The following DHX40 variants were observed in gnomAD, a reference collection of about 807,000 sequenced individuals.
DHX40 encodes probable ATP-dependent RNA helicase DHX40.
In DHX40, 28 loss-of-function variants were observed where a neutral mutation model predicts 89.6. That is an observed-to-expected ratio of 0.31 (90% CI 0.23 to 0.43). The LOEUF is 0.43. DHX40 is among the 20% of genes least tolerant of loss of function. DHX40 has a pLI of 1.00. For synonymous variants in DHX40, 226 were observed against 283.6 expected (o/e 0.80, Z 2.04); for missense variants, 457 against 844.0 (o/e 0.54, Z 5.68).
intron 12 of DHX40, among the ~76,000 whole-genome samples, chr17:59,595,095 T>C (rs550310387): frequency 5.3e-4 from 81 of 152,128 alleles, no homozygotes; most frequent in African/African-American, 1.9e-3. Flanking sequence ...TTTGTTTTTT[T>C]TTTTTGAGAC....
chr17:59,593,764 G>C (rs546340421), intron 12 of DHX40, among the ~76,000 whole-genome samples: 39 of 148,732 alleles, frequency 2.6e-4, no homozygotes, highest in African/African-American at 9.2e-4. Context: ...TTACAGGAGT[G>C]AGCCACCATG....
At chr17:59,567,913 C>CA (rs778515792) in intron 2 of DHX40, among the ~76,000 whole-genome samples, 2 of 146,794 alleles carry the variant, frequency 1.4e-5, no homozygotes, top group African/African-American at 5.1e-5. Flanking sequence ...GCCTGGGAGA[C>CA]AGAGTGAGAC....
chr17:59,568,067 A>G (rs1035636743), intron 2 of DHX40, among the ~76,000 whole-genome samples: 3 of 151,772 alleles, frequency 2.0e-5, no homozygotes, highest in African/African-American at 7.3e-5. Flanking sequence ...ACCCGTCTAT[A>G]CTAAAAATAC....
Position 59,573,805 on chromosome 17 carries a change from A to G in DHX40, c.612A>G (p.Leu204=), listed in dbSNP as rs1231701012. 6.2e-7 allele frequency: 1 copy of G among 1,613,684 alleles called. No homozygotes were observed. The highest frequency in any genetic ancestry group is 8.5e-7 in the Non-Finnish European group (1 of 1,179,864). The part of the protein sequence containing the change: ...QEKSPNRKEH[L]KVVVMSATME... The stretch of plus-strand genomic sequence containing the variant: ...AGTCTCCTAATAGGAAGGAGCATTT[A>G]AAAGTGGTGGTAATGTCAGCAACTA... Residue 204 remains leucine, a synonymous_variant, in exon 5 of 18, where the codon TTA becomes TTG. Transcript: ENST00000251241.
intron 12 of DHX40, among the ~76,000 whole-genome samples, chr17:59,590,494 G>A (rs1305339905): frequency 6.6e-6 from 1 of 151,052 alleles, no homozygotes; most frequent in African/African-American, 2.4e-5. Flanking sequence ...TTGAGACAAG[G>A]TCTCACTGTG....
At chr17:59,565,998 G>T (rs2048699160) in intron 1 of DHX40, among the ~76,000 whole-genome samples, 1 of 152,002 alleles carries the variant, frequency 6.6e-6, no homozygotes, top group African/African-American at 2.4e-5. Flanking sequence ...AACCTTACTG[G>T]GGGGCGAAAA....
chr17:59,580,894 C>T (rs1450299721), intron 10 of DHX40, among the ~76,000 whole-genome samples: 4 of 151,170 alleles, frequency 2.6e-5, no homozygotes, highest in Non-Finnish European at 5.9e-5. Flanking sequence ...CCCGCCTGGC[C>T]ATCCTGGCAA....
intron 12 of DHX40, among the ~76,000 whole-genome samples, chr17:59,592,649 C>T: frequency 7.0e-6 from 1 of 142,274 alleles, no homozygotes. Context: ...ACAATCTCGG[C>T]TCACTGCAAC....
At chr17:59,586,895 T>G (rs3965899) in intron 11 of DHX40, among the ~76,000 whole-genome samples, 19 of 152,148 alleles carry the variant, frequency 1.2e-4, no homozygotes, top group South Asian at 2.1e-4. Context: ...GGCTCACGCC[T>G]GTAATTCCAG....
chr17:59,604,150 T>C lies in DHX40; in HGVS notation c.1902-965T>C, dbSNP rs2030704101. The C allele has an allele frequency of 2.6e-5, 4 of 152,232 alleles. No homozygotes were observed. The South Asian group carries it at 8.3e-4, about 31-fold the overall frequency. 9.4% of individuals were successfully genotyped at this position (152,232 alleles called of 1,614,324 possible). A position where few individuals can be genotyped will look rare whatever the true frequency, so the allele number is the denominator to read the frequency against. ...ATTAATTGTTAGTAATGTATCAGTG[T>C]TAATTTCCTGGTTTTGATGGTTATA... On this transcript the variant is annotated intron_variant, in intron 15 of 17. Coordinates refer to ENST00000251241, the MANE Select transcript of DHX40 (RefSeq NM_024612.5).
In DHX40 at chr17:59,607,818, T is replaced by G. The variant is rs2030952415; in HGVS notation, c.*646T>G. ...TTTTTCTGGGATTATACAAATTCCT[T>G]TTTATATAAAAGTATATTGTTTAAA... On this transcript the variant is annotated 3_prime_UTR_variant, in exon 18 of 18. Coordinates refer to ENST00000251241, the MANE Select transcript of DHX40 (RefSeq NM_024612.5). The G allele has an allele frequency of 6.6e-6, 1 of 152,406 alleles. No individual in the cohort carries two copies. The highest frequency in any genetic ancestry group is 6.6e-5 in the Admixed American group (1 of 15,258). The allele number at this position is 152,406 out of a possible 1,614,324, so 9.4% of individuals were successfully genotyped here.
rs76071503 is a variant in DHX40, at chr17:59,600,431, G to A, written c.1806+948G>A. Among the ~76,000 whole-genome samples the A allele has an allele frequency of 2.7e-3, 404 of 150,346 alleles. 9 individuals are homozygous for A. The East Asian group carries it at 0.061, about 23-fold the overall frequency. The stretch of plus-strand genomic sequence containing the variant: ...ACTGTATATAAGTTTGCATTTCCTA[G>A]CATTTTACATAAATGGAATCAAACA... On this transcript the variant is annotated intron_variant, in intron 14 of 17. Coordinates refer to ENST00000251241, the MANE Select transcript of DHX40 (RefSeq NM_024612.5).
At position 59,607,735 on chromosome 17, in the gene DHX40, TAAATA is replaced by T; in HGVS notation, c.*568_*572del. On this transcript the variant is annotated 3_prime_UTR_variant, in exon 18 of 18. Transcript: ENST00000251241. The stretch of plus-strand genomic sequence containing the variant: ...TTAGAGAAAAGACTTAATCAATTAG[TAAATA>T]AAATTGCCTATGGCAGGATTCTTTC... 6.5e-6 allele frequency: 1 copy of T among 154,374 alleles called. No homozygotes were observed. The highest frequency in any genetic ancestry group is 1.9e-4 in the East Asian group (1 of 5,232). 9.6% of individuals were successfully genotyped at this position (154,374 alleles called of 1,614,324 possible). A position where few individuals can be genotyped will look rare whatever the true frequency, so the allele number is the denominator to read the frequency against.
rs539350326 is a variant in DHX40 at position 59,581,073 on chromosome 17, T to G, written c.1343+1194T>G. Reference sequence around the variant, plus strand: ...CTCCAGCCTGGTCAACAGAGCGAGATTCTGTCTCAAAAAAAACAAAACAAA... The same window carrying G: ...CTCCAGCCTGGTCAACAGAGCGAGAGTCTGTCTCAAAAAAAACAAAACAAA... On this transcript the variant is annotated intron_variant, in intron 10 of 17. Transcript: ENST00000251241. Among the ~76,000 whole-genome samples, 175 of 150,480 alleles carry G rather than the reference T, an allele frequency of 1.2e-3. 10 individuals are homozygous for G. The highest frequency in any genetic ancestry group is 4.0e-3 in the African/African-American group (162 of 40,316).
chr17:59,573,718 T>C, intron 4 of DHX40, 22 bp from the exon 5 acceptor site: 1 of 1,612,668 alleles, frequency 6.2e-7, no homozygotes, highest in South Asian at 1.1e-5. Context: ...TGTGACTTAC[T>C]AGAAATTTAC....
intron 12 of DHX40, among the ~76,000 whole-genome samples, chr17:59,594,246 TCTCCA>T (rs2049120522): frequency 6.6e-6 from 1 of 151,952 alleles, no homozygotes; most frequent in Non-Finnish European, 1.5e-5. Context: ...AAGCTGTTAG[TCTCCA>T]CTGATTGCTA....
chr17:59,592,144 T>G (rs1255553957), intron 12 of DHX40, among the ~76,000 whole-genome samples: 1 of 151,706 alleles, frequency 6.6e-6, no homozygotes, highest in East Asian at 1.9e-4. Context: ...GTGCTGGGTT[T>G]ACAGGTGTAA....
At chr17:59,605,821 C>A (rs1242468812) in intron 17 of DHX40, 147 bp downstream of exon 17, 2 of 817,508 alleles carry the variant, frequency 2.4e-6, no homozygotes, top group Admixed American at 4.0e-5. Flanking sequence ...AAAAATTAGC[C>A]AGGCATGTTG....
intron 11 of DHX40, 72 bp downstream of exon 11, chr17:59,586,305 T>G (rs1286014748): frequency 4.3e-6 from 5 of 1,159,236 alleles, no homozygotes; most frequent in Non-Finnish European, 6.1e-6. Context: ...CTAAATACCT[T>G]TCTCTAACAG....
Sources: allele counts gnomAD v4.1 joint callset (sites outside exome capture counted in the v4.1 genomes callset), GRCh38; gene constraint gnomAD v4.1.1; transcripts MANE v1.5; gene names NCBI Gene and HGNC (gene_info 2026-07-23, HGNC 2026-07-21).